Variants in NSMCE2 observed in about 807,000 individuals in gnomAD.
NSMCE2 encodes NSE2 SUMO ligase component of SMC5/6 complex, also known as E3 SUMO-protein ligase NSE2.
Under a neutral mutation model 23.8 loss-of-function variants are expected in NSMCE2, and 24 were observed. The observed-to-expected ratio is 1.01, with a 90% CI of 0.73 to 1.42. The LOEUF (loss-of-function observed/expected upper bound fraction) is 1.42, where lower values mean the gene tolerates loss of function less well. NSMCE2 is among the 40% of genes most tolerant of loss of function. The pLI is 0.00. For missense variants in NSMCE2, 284 were observed against 296.5 expected (o/e 0.96, Z 0.31); for synonymous variants, 92 against 94.1 (o/e 0.98, Z 0.13).
At chr8:125,356,934 A>C (rs1410882609) in intron 5 of NSMCE2, among the ~76,000 whole-genome samples, 2 of 152,244 alleles carry the variant, frequency 1.3e-5, no homozygotes, top group African/African-American at 2.4e-5. Context: ...AGAGATCACC[A>C]GGTCGGTTCT....
chr8:125,222,321 A>G (rs1340955588), intron 5 of NSMCE2, among the ~76,000 whole-genome samples: 1 of 152,198 alleles, frequency 6.6e-6, no homozygotes, highest in Non-Finnish European at 1.5e-5. Flanking sequence ...GAATAATTAA[A>G]TCAAGTTAAT....
At chr8:125,156,453 G>T (rs572076083) in intron 4 of NSMCE2, among the ~76,000 whole-genome samples, 1 of 152,186 alleles carries the variant, frequency 6.6e-6, no homozygotes, top group South Asian at 2.1e-4. Context: ...TTGGATTACA[G>T]CTACATATTT....
intron 3 of NSMCE2, among the ~76,000 whole-genome samples, chr8:125,121,868 G>A (rs1031900031): frequency 2.6e-5 from 4 of 152,066 alleles, no homozygotes; most frequent in Non-Finnish European, 4.4e-5. Context: ...TATCTCTGAA[G>A]GAGTGGTTTT....
At position 125,200,378 on chromosome 8, in the gene NSMCE2, A is replaced by G. The variant is rs182155094; in HGVS notation, c.418+18122A>G. On this transcript the variant is annotated intron_variant, in intron 5 of 7. Transcript: ENST00000287437. ...TTGTAAGGCAGGCCTAGTGGTGACA[A>G]AATCTCTCAGCATTTGCTTGTCTGT... 1.2e-3 allele frequency among the ~76,000 whole-genome samples: 186 copies of G among 152,284 alleles called. 2 individuals carry two copies. The highest frequency in any genetic ancestry group is 4.1e-3 in the African/African-American group (172 of 41,554).
intron 5 of NSMCE2, among the ~76,000 whole-genome samples, chr8:125,273,059 A>G: frequency 6.6e-6 from 1 of 152,128 alleles, no homozygotes; most frequent in East Asian, 1.9e-4. Flanking sequence ...ATAGAACCTG[A>G]CAGTTACTGC....
intron 5 of NSMCE2, among the ~76,000 whole-genome samples, chr8:125,262,781 T>C (rs1826750556): frequency 6.6e-6 from 1 of 152,200 alleles, no homozygotes; most frequent in Non-Finnish European, 1.5e-5. Flanking sequence ...TGCAGTGGTA[T>C]TGCTCACTCT....
Position 125,185,278 on chromosome 8 carries a change from G to A in NSMCE2, c.418+3022G>A, listed in dbSNP as rs189883483. Among the ~76,000 whole-genome samples, 236 of 151,736 alleles carry A rather than the reference G, an allele frequency of 1.6e-3. 3 individuals are homozygous for A. The highest frequency in any genetic ancestry group is 1.9e-3 in the Non-Finnish European group (130 of 67,876). On this transcript the variant is annotated intron_variant, in intron 5 of 7. Transcript: ENST00000287437. ...TCAGCAGCTGGTTCTCAAAGTTTTT[G>A]GTCTTCTGCTCCCATTACATTTTAA...
intron 5 of NSMCE2, among the ~76,000 whole-genome samples, chr8:125,274,414 T>C (rs1827355470): frequency 6.6e-6 from 1 of 152,234 alleles, no homozygotes; most frequent in Non-Finnish European, 1.5e-5. Flanking sequence ...ATTTTTAAAA[T>C]AATACTAGCT....
chr8:125,316,656 T>A (rs1829199122), intron 5 of NSMCE2, among the ~76,000 whole-genome samples: 2 of 144,178 alleles, frequency 1.4e-5, no homozygotes, highest in Non-Finnish European at 1.5e-5. Context: ...CTTTCCTTCT[T>A]TCCTTCCTTC....
intron 5 of NSMCE2, chr8:125,348,141 A>C (rs1812857525): frequency 6.6e-6 from 1 of 152,210 alleles, no homozygotes; most frequent in Non-Finnish European, 1.5e-5. Flanking sequence ...TTTCACCAAT[A>C]CCATGCATGT....
At chr8:125,092,267 C>T (rs1056778617) in intron 1 of NSMCE2, among the ~76,000 whole-genome samples, 2 of 152,172 alleles carry the variant, frequency 1.3e-5, no homozygotes, top group Non-Finnish European at 2.9e-5. Context: ...TCAATTTCCT[C>T]TTCAGTTATG....
intron 5 of NSMCE2, among the ~76,000 whole-genome samples, chr8:125,335,476 A>C (rs1830039736): frequency 6.6e-6 from 1 of 152,264 alleles, no homozygotes; most frequent in African/African-American, 2.4e-5. Context: ...GGATCCTTCC[A>C]AATATGTCTG....
intron 5 of NSMCE2, among the ~76,000 whole-genome samples, chr8:125,314,393 G>A (rs1402197416): frequency 2.6e-5 from 4 of 152,142 alleles, no homozygotes; most frequent in African/African-American, 4.8e-5. Context: ...AGATTCAAGC[G>A]ATTCTCCTGC....
chr8:125,332,586 TCTTTC>T (rs1829919790), intron 5 of NSMCE2, among the ~76,000 whole-genome samples: 1 of 152,222 alleles, frequency 6.6e-6, no homozygotes, highest in African/African-American at 2.4e-5. Flanking sequence ...TTAGGTTAGT[TCTTTC>T]CTTGTTAAGA....
chr8:125,339,395 C>T (rs1830163715), intron 5 of NSMCE2, among the ~76,000 whole-genome samples: 1 of 152,128 alleles, frequency 6.6e-6, no homozygotes, highest in Admixed American at 6.5e-5. Flanking sequence ...TTGGTGTATG[C>T]AGAACCTACC....
At chr8:125,221,056 C>T (rs1006663229) in intron 5 of NSMCE2, among the ~76,000 whole-genome samples, 1 of 152,198 alleles carries the variant, frequency 6.6e-6, no homozygotes, top group African/African-American at 2.4e-5. Context: ...CAGTAGCATT[C>T]CCCATATCAT....
chr8:125,094,763 T>C (rs1368129964), intron 1 of NSMCE2, among the ~76,000 whole-genome samples: 1 of 152,252 alleles, frequency 6.6e-6, no homozygotes, highest in Non-Finnish European at 1.5e-5. Flanking sequence ...GACTTTCTTC[T>C]TGGCTTGTAG....
chr8:125,354,785 G>T (rs1813183195), intron 5 of NSMCE2, among the ~76,000 whole-genome samples: 1 of 152,156 alleles, frequency 6.6e-6, no homozygotes, highest in African/African-American at 2.4e-5. Context: ...TAATTCACCA[G>T]GTTACCTTGA....
At chr8:125,328,060 G>A (rs1586776281) in intron 5 of NSMCE2, among the ~76,000 whole-genome samples, 1 of 151,796 alleles carries the variant, frequency 6.6e-6, no homozygotes, top group African/African-American at 2.4e-5. Context: ...GCTTTAGTGA[G>A]ACTAACATTT....
Sources: gnomAD v4.1 joint callset for allele counts (sites outside exome capture counted in the v4.1 genomes callset) on GRCh38, gnomAD v4.1.1 for gene constraint, MANE v1.5 for transcripts, NCBI Gene and HGNC (gene_info 2026-07-23, HGNC 2026-07-21) for gene names.